The following FGF12 variants were observed in gnomAD, a reference collection of about 807,000 sequenced individuals.
FGF12 encodes the protein fibroblast growth factor 12B.
A neutral mutation model predicts 23.6 loss-of-function variants in FGF12; 14 were observed. The ratio of observed to expected loss-of-function variants is 0.59; its 90% CI spans 0.39 to 0.93. The LOEUF (loss-of-function observed/expected upper bound fraction) is 0.93, where lower values mean the gene tolerates loss of function less well. Among genes scored for constraint, FGF12 ranks in the 40% least tolerant of loss-of-function variants. The pLI is 0.00. For missense variants in FGF12, 175 were observed against 217.8 expected (o/e 0.80, Z 1.24); for synonymous variants, 62 against 77.3 (o/e 0.80, Z 1.04).
At chr3:192,525,923 C>T (rs890600110) in intron 2 of FGF12, among the ~76,000 whole-genome samples, 8 of 152,104 alleles carry the variant, frequency 5.3e-5, no homozygotes, top group Admixed American at 2.0e-4. Context: ...TACAGGTGTG[C>T]GCCACCACGC....
intron 4 of FGF12, among the ~76,000 whole-genome samples, chr3:192,311,535 C>T (rs1336252319): frequency 1.3e-5 from 2 of 152,130 alleles, no homozygotes; most frequent in African/African-American, 2.4e-5. Flanking sequence ...TTTATTTATC[C>T]ATTCATCAGT....
chr3:192,337,303 T>G (rs1717466328), intron 3 of FGF12, among the ~76,000 whole-genome samples: 1 of 152,002 alleles, frequency 6.6e-6, no homozygotes, highest in Non-Finnish European at 1.5e-5. Flanking sequence ...GGAACCTGAG[T>G]TGACACCTAA....
chr3:192,472,320 A>C (rs1196285699), intron 2 of FGF12, among the ~76,000 whole-genome samples: 2 of 151,930 alleles, frequency 1.3e-5, no homozygotes, highest in Non-Finnish European at 2.9e-5. Context: ...CCAGCCTAAT[A>C]TTTTTAAATC....
intron 2 of FGF12, among the ~76,000 whole-genome samples, chr3:192,400,036 T>C (rs1457415607): frequency 6.6e-6 from 1 of 152,226 alleles, no homozygotes; most frequent in East Asian, 1.9e-4. Context: ...ATGGTTGTAC[T>C]ATGGTTTTCT....
intron 2 of FGF12, among the ~76,000 whole-genome samples, chr3:192,512,580 G>T (rs1724513326): frequency 1.3e-5 from 2 of 151,500 alleles, no homozygotes. Flanking sequence ...AAACAGCAAG[G>T]CCATGTTAGT....
At chr3:192,485,067 C>T (rs958846434) in intron 2 of FGF12, among the ~76,000 whole-genome samples, 4 of 151,664 alleles carry the variant, frequency 2.6e-5, no homozygotes, top group Non-Finnish European at 4.4e-5. Context: ...TATGTGTACA[C>T]ATAAATTTTA....
intron 2 of FGF12, among the ~76,000 whole-genome samples, chr3:192,511,585 T>C (rs934910650): frequency 6.6e-6 from 1 of 152,210 alleles, no homozygotes; most frequent in Non-Finnish European, 1.5e-5. Flanking sequence ...ACTTCCCCTT[T>C]AAACTAAAAA....
intron 2 of FGF12, among the ~76,000 whole-genome samples, chr3:192,483,758 G>GA (rs1723546004): frequency 6.6e-6 from 1 of 151,890 alleles, no homozygotes; most frequent in African/African-American, 2.4e-5. Context: ...GTTCCAGCTA[G>GA]AAAAAATATA....
intron 4 of FGF12, among the ~76,000 whole-genome samples, chr3:192,292,072 C>T (rs1280005747): frequency 6.6e-6 from 1 of 152,114 alleles, no homozygotes; most frequent in African/African-American, 2.4e-5. Flanking sequence ...ATGAAAATGG[C>T]TAACATTCAC....
intron 2 of FGF12, among the ~76,000 whole-genome samples, chr3:192,592,945 A>C (rs1713688522): frequency 6.6e-6 from 1 of 151,850 alleles, no homozygotes; most frequent in Non-Finnish European, 1.5e-5. Context: ...CTGCCATTAC[A>C]ATAATGGTCT....
chr3:192,305,764 G>A lies in FGF12; in HGVS notation c.228+29597C>T, dbSNP rs1487993697. Among the ~76,000 whole-genome samples, 8 of 147,290 alleles carry A rather than the reference G, an allele frequency of 5.4e-5. No homozygotes were observed. In the East Asian group the frequency reaches 5.9e-4, roughly 11 times the overall value. On this transcript the variant is annotated intron_variant, in intron 4 of 5. Transcript: ENST00000445105. The stretch of plus-strand genomic sequence containing the variant: ...AGTTAAGAGTCTTAGTTTTTGTGTC[G>A]GACACTGATATTAGTGACCCCTATT...
intron 2 of FGF12, among the ~76,000 whole-genome samples, chr3:192,548,584 C>T (rs923109978): frequency 6.6e-6 from 1 of 152,088 alleles, no homozygotes; most frequent in Non-Finnish European, 1.5e-5. Flanking sequence ...TACAATGGCT[C>T]ATCTACCGTG....
At position 192,550,032 on chromosome 3, in the gene FGF12, A is replaced by C. The variant is rs545036105; in HGVS notation, c.13+177149T>G. Among the ~76,000 whole-genome samples, 45 of 152,104 alleles carry C rather than the reference A, an allele frequency of 3.0e-4. No individual in the cohort carries two copies. The South Asian group carries it at 4.6e-3, about 15-fold the overall frequency. ...CCTCTGTCTCTCTCTGTCTCTCTCTATATATGTATATTATATATACACACA... is the reference window on the plus strand; with the variant it reads ...CCTCTGTCTCTCTCTGTCTCTCTCTCTATATGTATATTATATATACACACA... On this transcript the variant is annotated intron_variant, in intron 2 of 5. Coordinates refer to ENST00000445105, the MANE Select transcript of FGF12 (RefSeq NM_004113.6).
At chr3:192,273,423 T>C (rs1713573281) in intron 4 of FGF12, among the ~76,000 whole-genome samples, 1 of 152,074 alleles carries the variant, frequency 6.6e-6, no homozygotes, top group Non-Finnish European at 1.5e-5. Flanking sequence ...GGGCTGAAGC[T>C]GGGTTATGGG....
intron 4 of FGF12, among the ~76,000 whole-genome samples, chr3:192,214,092 A>G (rs1718071610): frequency 6.6e-6 from 1 of 152,208 alleles, no homozygotes; most frequent in African/African-American, 2.4e-5. Flanking sequence ...TCATTTCTCA[A>G]TCTAGAAGAT....
At chr3:192,520,634 G>A (rs553598230) in intron 2 of FGF12, among the ~76,000 whole-genome samples, 26 of 152,170 alleles carry the variant, frequency 1.7e-4, no homozygotes, top group Non-Finnish European at 2.6e-4. Flanking sequence ...ACTAGATTTA[G>A]TTTACTTAAA....
At chr3:192,658,500 C>G (rs1187675615) in intron 2 of FGF12, among the ~76,000 whole-genome samples, 1 of 152,164 alleles carries the variant, frequency 6.6e-6, no homozygotes, top group African/African-American at 2.4e-5. Context: ...TCATGGAGAG[C>G]AGAGCAACGC....
intron 4 of FGF12, among the ~76,000 whole-genome samples, chr3:192,255,887 T>C (rs1712355705): frequency 6.6e-6 from 1 of 152,074 alleles, no homozygotes; most frequent in Non-Finnish European, 1.5e-5. Context: ...ATTTCATGAA[T>C]GTACCCACCT....
Position 192,247,716 on chromosome 3 carries a change from G to A in FGF12, c.229-77060C>T, listed in dbSNP as rs1711718033. Among the ~76,000 whole-genome samples the A allele has an allele frequency of 2.0e-5, 3 of 152,074 alleles. 1 individual carries two copies. The East Asian group carries it at 5.8e-4, about 29-fold the overall frequency. On this transcript the variant is annotated intron_variant, in intron 4 of 5. Transcript: ENST00000445105. ...TGCAAAATTGAAGACGTTAAGTCTG[G>A]GAAAGATTTATAGAAAAAACAGTCA...
Sources: gnomAD v4.1 joint callset for allele counts (sites outside exome capture counted in the v4.1 genomes callset) on GRCh38, gnomAD v4.1.1 for gene constraint, MANE v1.5 for transcripts, NCBI Gene and HGNC (gene_info 2026-07-23, HGNC 2026-07-21) for gene names.